CCT6A: variants seen among roughly 807,000 people sequenced by gnomAD.
CCT6A encodes the protein T-complex protein 1 subunit zeta.
A neutral mutation model predicts 58.6 loss-of-function variants in CCT6A; 6 were observed. The ratio of observed to expected loss-of-function variants is 0.10; its 90% CI spans 0.06 to 0.20. The LOEUF is 0.20. CCT6A is among the 10% of genes least tolerant of loss of function. The pLI is 1.00. For missense variants in CCT6A, 516 were observed against 648.8 expected, an observed-to-expected ratio of 0.80 and a Z score of 2.22; for synonymous variants, 245 against 227.8, an observed-to-expected ratio of 1.08 and a Z score of -0.68.
At chr7:56,054,220 A>G (rs371377767) in intron 2 of CCT6A, 149 bp from the exon 3 acceptor site, 128 of 632,786 alleles carry the variant, frequency 2.0e-4, no homozygotes, top group African/African-American at 2.0e-3. Flanking sequence ...TTGCATGTGC[A>G]TGATAGTTAA....
rs763380767 is a variant in CCT6A, at chr7:56,054,456, C to G, written c.289C>G (p.Leu97Val). ...ITGDGTTSNV[L>V]IIGELLKQAD... ...TGGTGATGGTACGACTTCTAATGTC[C>G]TAATCATTGGAGAGCTGCTGAAACA... is the stretch of plus-strand genomic sequence containing the variant. Residue 97 changes from leucine (L) to valine (V), a missense_variant, in exon 3 of 14, where the codon CTA becomes GTA. Physicochemically the swap from Leu to Val is conservative, Grantham distance 32. Coordinates refer to ENST00000275603, the MANE Select transcript of CCT6A (RefSeq NM_001762.4). 1 of 1,613,390 alleles carries G rather than the reference C, an allele frequency of 6.2e-7. No homozygotes were observed. Among genetic ancestry groups the G allele is most frequent in the Non-Finnish European group, 8.5e-7 (1 of 1,179,638 alleles).
chr7:56,057,886 A>AGAAAAAT (rs1584549998), intron 5 of CCT6A, 107 bp from the exon 6 acceptor site: 1 of 693,372 alleles, frequency 1.4e-6, no homozygotes, highest in East Asian at 2.7e-5. Flanking sequence ...ATCTCAAAAA[A>AGAAAAAT]GAAAAATGTG....
chr7:56,052,896 C>G (rs1432350091), intron 2 of CCT6A, among the ~76,000 whole-genome samples: 1 of 151,754 alleles, frequency 6.6e-6, no homozygotes, highest in African/African-American at 2.4e-5. Context: ...CGGGTTCAAG[C>G]GATTCTTCTG....
intron 11 of CCT6A, 185 bp from the exon 12 acceptor site, chr7:56,061,562 G>T (rs1298510282): frequency 2.7e-6 from 1 of 374,392 alleles, no homozygotes; most frequent in Non-Finnish European, 4.8e-6. Context: ...GGCCAGGCTG[G>T]TCTCGAACTC....
At chr7:56,052,788 C>CTTTTTTTTTT (rs776930910) in intron 2 of CCT6A, among the ~76,000 whole-genome samples, 70 of 27,030 alleles carry the variant, frequency 2.6e-3, no homozygotes, top group East Asian at 6.2e-3. Context: ...TTTTTCTTTT[C>CTTTTTTTTTT]TTTTCTTTTT....
chr7:56,059,725 C>G, intron 9 of CCT6A, 85 bp downstream of exon 9: 1 of 710,554 alleles, frequency 1.4e-6, no homozygotes, highest in Non-Finnish European at 2.5e-6. Flanking sequence ...GGGTCTCACT[C>G]CTGCCCGGGC....
rs1339805899 is a variant in CCT6A at position 56,063,300 on chromosome 7, T to C, written c.*215T>C. On this transcript the variant is annotated 3_prime_UTR_variant, in exon 14 of 14. Coordinates refer to ENST00000275603, the MANE Select transcript of CCT6A (RefSeq NM_001762.4). ...GTGTATACACATAAAGCAGGTCTTT[T>C]ATCCAGTGAACAGGATGTTTTGCTT... is the stretch of plus-strand genomic sequence containing the variant. 1.8e-6 allele frequency: 1 copy of C among 558,610 alleles called. No homozygotes were observed. Among genetic ancestry groups the C allele is most frequent in the African/African-American group, 1.9e-5 (1 of 52,872 alleles). The allele number at this position is 558,610 out of a possible 1,614,324, so 34.6% of individuals were successfully genotyped here. A position where few individuals can be genotyped will look rare whatever the true frequency, so the allele number is the denominator to read the frequency against.
chr7:56,059,016 ATTT>A (rs1221934312), intron 8 of CCT6A: 4 of 181,870 alleles, frequency 2.2e-5, no homozygotes, highest in Non-Finnish European at 4.6e-5. Context: ...TTTTTTAAAA[ATTT>A]TTTATTATTA....
rs759582519 is a variant in CCT6A at position 56,051,938 on chromosome 7, G to A, written c.90G>A (p.Leu30=). Residue 30 remains leucine, a synonymous_variant, in exon 1 of 14, where the codon CTG becomes CTA. Coordinates refer to ENST00000275603, the MANE Select transcript of CCT6A (RefSeq NM_001762.4). Reference sequence around the variant, plus strand: ...TCAACATCAGCGCAGCGCGGGGTCTGCAGGACGTGCTAAGGACCAACCTGG... The same window carrying A: ...TCAACATCAGCGCAGCGCGGGGTCTACAGGACGTGCTAAGGACCAACCTGG... The part of the protein sequence containing the change: ...LAVNISAARG[L]QDVLRTNLGP... 13 of 1,548,546 alleles carry A rather than the reference G, an allele frequency of 8.4e-6. No homozygotes were observed. Among genetic ancestry groups the A allele is most frequent in the Non-Finnish European group, 1.1e-5 (13 of 1,146,078 alleles).
At position 56,058,540 on chromosome 7, in the gene CCT6A, T is replaced by C. The variant is rs1331374218; in HGVS notation, c.885+19T>C. On this transcript the variant is annotated intron_variant, in intron 7 of 13. Coordinates refer to ENST00000275603, the MANE Select transcript of CCT6A (RefSeq NM_001762.4). ...TCAAAAGGTGAGAATGAAAACTCAATGTATAAACTAAATAGTACGTATCAT... is the reference window on the plus strand; with the variant it reads ...TCAAAAGGTGAGAATGAAAACTCAACGTATAAACTAAATAGTACGTATCAT... The C allele has an allele frequency of 2.5e-6, 4 of 1,581,814 alleles. No homozygotes were observed. The highest frequency in any genetic ancestry group is 3.7e-5 in the Admixed American group (2 of 53,956).
intron 2 of CCT6A, among the ~76,000 whole-genome samples, chr7:56,053,060 C>G (rs1256498902): frequency 6.6e-6 from 1 of 152,192 alleles, no homozygotes; most frequent in African/African-American, 2.4e-5. Context: ...TCCCAAAGTG[C>G]TGGGATTACC....
intron 11 of CCT6A, among the ~76,000 whole-genome samples, 174 bp downstream of exon 11, chr7:56,061,114 C>A (rs1261764130): frequency 6.6e-6 from 1 of 152,188 alleles, no homozygotes; most frequent in Non-Finnish European, 1.5e-5. Flanking sequence ...CTCTGGGAAG[C>A]CTGAATAGCT....
At chr7:56,053,637 C>G (rs1371853769) in intron 2 of CCT6A, among the ~76,000 whole-genome samples, 1 of 152,002 alleles carries the variant, frequency 6.6e-6, no homozygotes, top group Non-Finnish European at 1.5e-5. Flanking sequence ...GCCTGTAGTC[C>G]CAGCTGCTTC....
At chr7:56,055,131 A>T (rs1004040483) in intron 3 of CCT6A, among the ~76,000 whole-genome samples, 1 of 152,126 alleles carries the variant, frequency 6.6e-6, no homozygotes, top group Non-Finnish European at 1.5e-5. Context: ...AAAATTAGCC[A>T]GGCGTGGTGG....
intron 1 of CCT6A, among the ~76,000 whole-genome samples, 182 bp downstream of exon 1, chr7:56,052,167 C>G (rs1794120713): frequency 6.6e-6 from 1 of 152,186 alleles, no homozygotes; most frequent in African/African-American, 2.4e-5. Flanking sequence ...CTTCCCGCAT[C>G]GATGCAGTCT....
At position 56,063,964 on chromosome 7, in the gene CCT6A, T is replaced by TG. The variant is rs1422615849; in HGVS notation, c.*880dup. On this transcript the variant is annotated 3_prime_UTR_variant, in exon 14 of 14. Transcript: ENST00000275603. ...GTCAGCAGTGGCCTGAAGTGAGTTGTGCAATAAATGTTAAGTTGAAACCTC... is the reference window on the plus strand; with the variant it reads ...GTCAGCAGTGGCCTGAAGTGAGTTGTGGCAATAAATGTTAAGTTGAAACCTC... The TG allele has an allele frequency of 2.2e-6, 1 of 447,714 alleles. No homozygotes were observed. Among genetic ancestry groups the TG allele is most frequent in the Non-Finnish European group, 3.9e-6 (1 of 253,736 alleles). 27.7% of individuals were successfully genotyped at this position (447,714 alleles called of 1,614,324 possible).
At position 56,061,810 on chromosome 7, in the gene CCT6A, T is replaced by G; in HGVS notation, c.1411T>G (p.Ser471Ala). ...ATTAGTTAAAATTCAAGCAGAACAT[T>G]CAGAATCAGGTCAGCTTGTGGGTGT... ...ETLVKIQAEH[S>A]ESGQLVGVDL... Residue 471 changes from serine to alanine, a missense_variant, in exon 12 of 14, where the codon TCA becomes GCA. Ser to Ala is a moderately conservative substitution (Grantham distance 99). This residue lies in a region of CCT6A where 315 missense variants were observed against 389.4 expected (regional missense o/e 0.81). Coordinates refer to ENST00000275603, the MANE Select transcript of CCT6A (RefSeq NM_001762.4). The G allele has an allele frequency of 6.2e-7, 1 of 1,608,450 alleles. No individual in the cohort carries two copies. The highest frequency in any genetic ancestry group is 1.3e-5 in the African/African-American group (1 of 74,350).
chr7:56,062,198 C>A, intron 12 of CCT6A: 1 of 224,624 alleles, frequency 4.5e-6, no homozygotes, highest in South Asian at 7.9e-5. Flanking sequence ...GGGTGAAAAC[C>A]AGCTAAAGAT....
At chr7:56,060,082 T>C (rs1259302513) in intron 9 of CCT6A, 187 bp from the exon 10 acceptor site, 7 of 590,456 alleles carry the variant, frequency 1.2e-5, no homozygotes, top group Non-Finnish European at 2.1e-5. Flanking sequence ...TTATGTGTAG[T>C]AATGGGAAGC....
Sources: allele counts gnomAD v4.1 joint callset (sites outside exome capture counted in the v4.1 genomes callset), GRCh38; gene constraint gnomAD v4.1.1; regional missense constraint gnomAD v4.1.1; transcripts MANE v1.5; gene names NCBI Gene and HGNC (gene_info 2026-07-23, HGNC 2026-07-21).